CDH2: variants seen among roughly 807,000 people sequenced by gnomAD.
CDH2 encodes the protein cadherin-2.
Under a neutral mutation model 92.0 loss-of-function variants are expected in CDH2, and 17 were observed. That is an observed-to-expected ratio of 0.18 (90% CI 0.13 to 0.28). The LOEUF is 0.28. Ranked by LOEUF, CDH2 falls within the 10% of genes least tolerant of loss-of-function variation. The pLI is 1.00. For synonymous variants in CDH2, 419 were observed against 415.9 expected (o/e 1.01, Z -0.09); for missense variants, 862 against 1,133.1 (o/e 0.76, Z 3.44).
intron 6 of CDH2, among the ~76,000 whole-genome samples, chr18:28,004,844 T>C (rs1003528835): frequency 1.3e-5 from 2 of 152,084 alleles, no homozygotes; most frequent in African/African-American, 2.4e-5. Context: ...GCCCCCACCC[T>C]ACCCCTACAT....
chr18:28,086,309 T>C (rs555889257), intron 2 of CDH2, among the ~76,000 whole-genome samples: 1 of 152,308 alleles, frequency 6.6e-6, no homozygotes, highest in South Asian at 2.1e-4. Context: ...ACTCTATAGT[T>C]ATTCAGTTAT....
rs202198632 is a variant in CDH2 at position 27,992,710 on chromosome 18, C to A, written c.1289G>T (p.Arg430Leu). 2.0e-5 allele frequency: 32 copies of A among 1,613,586 alleles called. No homozygotes were observed. The highest frequency in any genetic ancestry group is 2.7e-5 in the Non-Finnish European group (32 of 1,179,772). ...YRISGGDPTG[R>L]FAIQTDPNSN... The stretch of plus-strand genomic sequence containing the variant: ...GTTTGGGTCGGTCTGGATGGCGAAC[C>A]GTCCAGTAGGATCTCCGCCACTGAT... Residue 430 changes from arginine to leucine, a missense_variant, in exon 9 of 16, where the codon CGG becomes CTG. Physicochemically the swap from Arg to Leu is moderately radical, Grantham distance 102 (BLOSUM62 -2). Coordinates refer to ENST00000269141, the MANE Select transcript of CDH2 (RefSeq NM_001792.5).
chr18:28,036,684 T>C, intron 2 of CDH2: 1 of 660,054 alleles, frequency 1.5e-6, no homozygotes, highest in South Asian at 1.8e-5. Flanking sequence ...ACTGGAATAC[T>C]GACCGTCAGC....
At chr18:28,053,896 G>C (rs1308255614) in intron 2 of CDH2, among the ~76,000 whole-genome samples, 1 of 152,028 alleles carries the variant, frequency 6.6e-6, no homozygotes, top group East Asian at 1.9e-4. Context: ...TTTCTTACGG[G>C]CTCCCGAGAA....
chr18:27,945,659 A>G (rs1243796890), intron 6 of CDH2, among the ~76,000 whole-genome samples: 1 of 152,176 alleles, frequency 6.6e-6, no homozygotes, highest in Non-Finnish European at 1.5e-5. Context: ...ATCAGGGTCC[A>G]TTAACACGCT....
At chr18:28,107,553 A>C (rs2144246863) in intron 2 of CDH2, among the ~76,000 whole-genome samples, 1 of 152,296 alleles carries the variant, frequency 6.6e-6, no homozygotes, top group African/African-American at 2.4e-5. Flanking sequence ...ATGCCATAAC[A>C]CTGATAAATA....
intron 2 of CDH2, among the ~76,000 whole-genome samples, chr18:28,139,327 C>A (rs946573772): frequency 6.6e-6 from 1 of 152,020 alleles, no homozygotes; most frequent in African/African-American, 2.4e-5. Flanking sequence ...GACCTCATTA[C>A]ACAAACATAT....
intron 1 of CDH2, among the ~76,000 whole-genome samples, chr18:28,154,358 C>T (rs1465500286): frequency 1.3e-5 from 2 of 152,150 alleles, no homozygotes; most frequent in African/African-American, 2.4e-5. Context: ...GTGAAATTCA[C>T]GCTGGTCAGA....
intron 1 of CDH2, among the ~76,000 whole-genome samples, chr18:28,157,195 T>C (rs947213488): frequency 2.6e-5 from 4 of 152,204 alleles, no homozygotes; most frequent in Admixed American, 2.0e-4. Flanking sequence ...ATGGCTCAGA[T>C]TGATTCTGTC....
At position 28,132,953 on chromosome 18, in the gene CDH2, T is replaced by TG. The variant is rs145967926; in HGVS notation, c.172+14719dup. ...TTAGTCTCACCAAATAGTTCAGATT[T>TG]GGGGGGAGTATTCTCCAATTAAAAT... is the stretch of plus-strand genomic sequence containing the variant. On this transcript the variant is annotated intron_variant, in intron 2 of 15. Coordinates refer to ENST00000269141, the MANE Select transcript of CDH2 (RefSeq NM_001792.5). Among the ~76,000 whole-genome samples the TG allele has an allele frequency of 4.3e-3, 652 of 152,288 alleles. 6 individuals carry two copies. Among genetic ancestry groups the TG allele is most frequent in the African/African-American group, 0.015 (620 of 41,566 alleles).
At position 28,177,040 on chromosome 18, in the gene CDH2, G is replaced by C. The variant is rs765353815; in HGVS notation, c.-18C>G. 6 of 1,486,276 alleles carry C rather than the reference G, an allele frequency of 4.0e-6. No homozygotes were observed. In the South Asian group the frequency reaches 6.3e-5, roughly 16 times the overall value. The allele number at this position is 1,486,276 out of a possible 1,614,324, so 92.1% of individuals were successfully genotyped here. A position where few individuals can be genotyped will look rare whatever the true frequency, so the allele number is the denominator to read the frequency against. On this transcript the variant is annotated 5_prime_UTR_variant, in exon 1 of 16. Coordinates refer to ENST00000269141, the MANE Select transcript of CDH2 (RefSeq NM_001792.5). Reference sequence around the variant, plus strand: ...CGGCACATGGAGGCGGAGAGGGGCCGAGCGAAGAGCCGGAGGAGGCGGCGG... The same window carrying C: ...CGGCACATGGAGGCGGAGAGGGGCCCAGCGAAGAGCCGGAGGAGGCGGCGG...
intron 15 of CDH2, among the ~76,000 whole-genome samples, chr18:27,956,218 C>T (rs1368898469): frequency 3.9e-5 from 6 of 152,110 alleles, no homozygotes; most frequent in African/African-American, 7.2e-5. Flanking sequence ...ACAAACTAAA[C>T]GCCTGTGTTT....
intron 2 of CDH2, among the ~76,000 whole-genome samples, chr18:28,115,126 TC>T (rs1420452678): frequency 6.6e-6 from 1 of 152,062 alleles, no homozygotes; most frequent in Non-Finnish European, 1.5e-5. Context: ...CTTCAACCTG[TC>T]CTTAAAGCCT....
chr18:28,136,265 T>C (rs1483331623), intron 2 of CDH2, among the ~76,000 whole-genome samples: 1 of 152,170 alleles, frequency 6.6e-6, no homozygotes, highest in African/African-American at 2.4e-5. Context: ...TGTTTCCTCT[T>C]TGCCAAAAAT....
At chr18:28,160,158 A>T (rs1197881114) in intron 1 of CDH2, among the ~76,000 whole-genome samples, 3 of 147,100 alleles carry the variant, frequency 2.0e-5, no homozygotes, top group Admixed American at 1.3e-4. Flanking sequence ...CTCGAGAAAA[A>T]AATAAAAAAA....
chr18:28,166,263 A>C (rs981875788), intron 1 of CDH2, among the ~76,000 whole-genome samples: 2 of 150,590 alleles, frequency 1.3e-5, no homozygotes, highest in Admixed American at 1.3e-4. Flanking sequence ...ATACTAAAAA[A>C]AGTAACCTGT....
intron 2 of CDH2, among the ~76,000 whole-genome samples, chr18:28,014,239 C>T (rs1016123021): frequency 6.6e-6 from 1 of 152,118 alleles, no homozygotes; most frequent in African/African-American, 2.4e-5. Context: ...CAAACTTCCA[C>T]TCACTCTTCA....
At chr18:28,128,286 T>G (rs578235951) in intron 2 of CDH2, among the ~76,000 whole-genome samples, 2 of 152,334 alleles carry the variant, frequency 1.3e-5, no homozygotes, top group East Asian at 3.9e-4. Flanking sequence ...ATCACTTACA[T>G]AAAGTCACAG....
intron 2 of CDH2, among the ~76,000 whole-genome samples, chr18:28,032,259 C>T (rs1423670708): frequency 7.2e-5 from 11 of 152,030 alleles, no homozygotes; most frequent in African/African-American, 2.2e-4. Flanking sequence ...TGTTGAGCCA[C>T]GGTTCATTCA....
Sources: gnomAD v4.1 joint callset for allele counts (sites outside exome capture counted in the v4.1 genomes callset) on GRCh38, gnomAD v4.1.1 for gene constraint, MANE v1.5 for transcripts, NCBI Gene and HGNC (gene_info 2026-07-23, HGNC 2026-07-21) for gene names.